NUBPL: variants seen among roughly 807,000 people sequenced by gnomAD.
The protein encoded by NUBPL is iron-sulfur cluster transfer protein NUBPL.
Under a neutral mutation model 45.7 loss-of-function variants are expected in NUBPL, and 31 were observed. The observed-to-expected ratio is 0.68, with a 90% confidence interval of 0.51 to 0.92. NUBPL has a LOEUF of 0.92. Ranked by LOEUF, NUBPL falls within the 40% of genes least tolerant of loss-of-function variation. The probability of loss-of-function intolerance (pLI) is 0.00; values close to 1 mark genes in which losing one functional copy is unlikely to be tolerated. For missense variants in NUBPL, 401 were observed against 398.7 expected (o/e 1.01, Z -0.05); for synonymous variants, 144 against 140.9 (o/e 1.02, Z -0.15).
chr14:31,645,190 C>T (rs1483264280), intron 4 of NUBPL, among the ~76,000 whole-genome samples: 3 of 152,044 alleles, frequency 2.0e-5, no homozygotes, highest in East Asian at 1.9e-4. Context: ...CTCAGCCTCC[C>T]GAGTAACTGG....
At chr14:31,576,447 G>A (rs1310342047) in intron 3 of NUBPL, among the ~76,000 whole-genome samples, 2 of 152,134 alleles carry the variant, frequency 1.3e-5, no homozygotes, top group South Asian at 4.2e-4. Context: ...TTTTGGCAGA[G>A]ACAGGATCTC....
At chr14:31,681,804 T>G (rs1460606552) in intron 6 of NUBPL, among the ~76,000 whole-genome samples, 1 of 152,150 alleles carries the variant, frequency 6.6e-6, no homozygotes, top group Non-Finnish European at 1.5e-5. Flanking sequence ...TTTTGGTATG[T>G]TGTTTAATAT....
intron 6 of NUBPL, among the ~76,000 whole-genome samples, chr14:31,774,987 A>C (rs910859594): frequency 2.6e-5 from 4 of 152,206 alleles, no homozygotes; most frequent in African/African-American, 9.7e-5. Context: ...TAGTGATTCC[A>C]AGGATTTTAG....
intron 4 of NUBPL, among the ~76,000 whole-genome samples, chr14:31,652,103 T>C (rs73253203): frequency 0.055 from 8,360 of 152,106 alleles, 652 homozygotes; most frequent in African/African-American, 0.18. Flanking sequence ...ATCATATATA[T>C]ACTACTCAGC....
At chr14:31,856,574 T>G (rs1343882933) in intron 10 of NUBPL, among the ~76,000 whole-genome samples, 1 of 152,202 alleles carries the variant, frequency 6.6e-6, no homozygotes, top group Admixed American at 6.5e-5. Flanking sequence ...CCTATGAGCC[T>G]GTAAAATCAA....
intron 4 of NUBPL, among the ~76,000 whole-genome samples, chr14:31,648,014 A>G (rs2035902568): frequency 6.6e-6 from 1 of 152,272 alleles, no homozygotes; most frequent in Admixed American, 6.5e-5. Context: ...TTTTATAGCC[A>G]TAAGTTATAG....
At chr14:31,578,073 T>C (rs1358879521) in intron 3 of NUBPL, 11 of 828,120 alleles carry the variant, frequency 1.3e-5, no homozygotes, top group Non-Finnish European at 1.9e-5. Flanking sequence ...CTCCAAAGTT[T>C]TGAATGCATT....
intron 7 of NUBPL, among the ~76,000 whole-genome samples, chr14:31,800,349 G>A (rs1351662900): frequency 1.3e-5 from 2 of 152,126 alleles, no homozygotes; most frequent in African/African-American, 2.4e-5. Flanking sequence ...ACATAATATC[G>A]ATTAGGATTG....
chr14:31,812,983 CTTTT>C (rs33986436), intron 7 of NUBPL, among the ~76,000 whole-genome samples: 6 of 105,084 alleles, frequency 5.7e-5, no homozygotes, highest in African/African-American at 1.1e-4. Flanking sequence ...CTTGTTAGTT[CTTTT>C]TTTTTTTTTT....
intron 6 of NUBPL, among the ~76,000 whole-genome samples, chr14:31,716,112 A>G (rs2037682828): frequency 6.6e-6 from 1 of 152,068 alleles, no homozygotes; most frequent in South Asian, 2.1e-4. Context: ...CCACCTCCAC[A>G]TCTTGTCCCA....
At chr14:31,584,795 C>T (rs1455672255) in intron 3 of NUBPL, among the ~76,000 whole-genome samples, 1 of 152,194 alleles carries the variant, frequency 6.6e-6, no homozygotes, top group Admixed American at 6.5e-5. Context: ...AGTCCAGGAT[C>T]AAGATACTGG....
intron 6 of NUBPL, among the ~76,000 whole-genome samples, chr14:31,691,745 C>A (rs564870483): frequency 6.6e-6 from 1 of 152,110 alleles, no homozygotes; most frequent in Non-Finnish European, 1.5e-5. Context: ...AGAATTATAC[C>A]AGGACGGGGC....
chr14:31,818,800 G>A (rs1297137718), intron 7 of NUBPL, among the ~76,000 whole-genome samples: 1 of 152,092 alleles, frequency 6.6e-6, no homozygotes, highest in Non-Finnish European at 1.5e-5. Context: ...TGCCTGCCTC[G>A]GCCTCCCAAA....
rs34987045 is a variant in NUBPL, at chr14:31,625,477, CT to C, written c.382+26113del. Among the ~76,000 whole-genome samples the C allele has an allele frequency of 4.5e-3, 615 of 137,696 alleles. 1 individual carries two copies. The highest frequency in any genetic ancestry group is 0.019 in the Middle Eastern group (5 of 264). 90.3% of individuals were successfully genotyped at this position (137,696 alleles called of 152,430 possible). A position where few individuals can be genotyped will look rare whatever the true frequency, so the allele number is the denominator to read the frequency against. ...GATATAAATTCTATTTCTTTTCTTT[CT>C]TTTTTTTTTTTTTTGAGAGGGAGTC... On this transcript the variant is annotated intron_variant, in intron 4 of 10. Transcript: ENST00000281081.
chr14:31,818,394 T>C (rs2039960460), intron 7 of NUBPL, among the ~76,000 whole-genome samples: 2 of 152,162 alleles, frequency 1.3e-5, no homozygotes, highest in African/African-American at 4.8e-5. Flanking sequence ...AAAGTTGGAT[T>C]CTTAGCCTTC....
intron 6 of NUBPL, among the ~76,000 whole-genome samples, chr14:31,755,740 T>A (rs1013596340): frequency 8.5e-5 from 13 of 152,156 alleles, no homozygotes; most frequent in Admixed American, 8.5e-4. Flanking sequence ...TTGTTGCCAT[T>A]GCTTTCGGTG....
chr14:31,578,751 T>C (rs1485744700), intron 3 of NUBPL, among the ~76,000 whole-genome samples: 1 of 152,228 alleles, frequency 6.6e-6, no homozygotes, highest in Non-Finnish European at 1.5e-5. Flanking sequence ...ATAAGTCTCC[T>C]TTGTACTTCT....
chr14:31,761,227 G>A (rs532133031), intron 6 of NUBPL, among the ~76,000 whole-genome samples: 22 of 152,062 alleles, frequency 1.4e-4, no homozygotes, highest in African/African-American at 5.3e-4. Flanking sequence ...TGCCCATTCT[G>A]GAGTGCAGTG....
At chr14:31,593,467 T>C (rs1033067315) in intron 3 of NUBPL, among the ~76,000 whole-genome samples, 1 of 141,706 alleles carries the variant, frequency 7.1e-6, no homozygotes, top group Non-Finnish European at 1.5e-5. Flanking sequence ...TGAGCTGAGA[T>C]TGCGCCACTG....
Sources: gnomAD v4.1 joint callset for allele counts (sites outside exome capture counted in the v4.1 genomes callset) on GRCh38, gnomAD v4.1.1 for gene constraint, MANE v1.5 for transcripts, NCBI Gene and HGNC (gene_info 2026-07-23, HGNC 2026-07-21) for gene names.